The following IQCH variants were observed in gnomAD, a reference collection of about 807,000 sequenced individuals.
IQCH encodes the protein IQ domain-containing protein H.
In IQCH, 98 loss-of-function variants were observed where a neutral mutation model predicts 117.0. The ratio of observed to expected loss-of-function variants is 0.84; its 90% confidence interval spans 0.71 to 0.99. The LOEUF (loss-of-function observed/expected upper bound fraction) is 0.99, where lower values mean the gene tolerates loss of function less well. Ranked by LOEUF, IQCH falls within the 50% of genes least tolerant of loss-of-function variation. IQCH has a pLI of 0.00. For missense variants in IQCH, 1,102 were observed against 1,243.8 expected, an observed-to-expected ratio of 0.89 and a Z score of 1.72; for synonymous variants, 412 against 448.2, an observed-to-expected ratio of 0.92 and a Z score of 1.02.
At chr15:67,294,231 T>A (rs538270908) in intron 4 of IQCH, among the ~76,000 whole-genome samples, 1 of 152,318 alleles carries the variant, frequency 6.6e-6, no homozygotes, top group Admixed American at 6.5e-5. Flanking sequence ...TGACCTCTCA[T>A]TATTTCACTA....
At chr15:67,415,009 C>T (rs1235345671) in intron 14 of IQCH, among the ~76,000 whole-genome samples, 2 of 152,094 alleles carry the variant, frequency 1.3e-5, no homozygotes, top group East Asian at 3.9e-4. Context: ...AGCTTTGGGG[C>T]ACTTCATAAA....
rs775867996 is a variant in IQCH at position 67,465,659 on chromosome 15, A to G, written c.2676+362A>G. 2.6e-5 allele frequency among the ~76,000 whole-genome samples: 4 copies of G among 152,120 alleles called. No individual in the cohort carries two copies. The highest frequency in any genetic ancestry group is 4.8e-5 in the African/African-American group (2 of 41,412). On this transcript the variant is annotated intron_variant, in intron 17 of 20. Transcript: ENST00000335894. The surrounding 1 kb of genome is among the most constrained non-coding windows in gnomAD (Gnocchi z 5.9). ...TTCAGATTCATGGGTCCAAAATTCT[A>G]TAGAACATCTCTGCTTCGAATCCTC...
chr15:67,460,111 T>G (rs1045940923), intron 16 of IQCH: 34 of 152,218 alleles, frequency 2.2e-4, no homozygotes, highest in African/African-American at 7.7e-4. Flanking sequence ...ATTATTATCT[T>G]ATTATTAATA....
At chr15:67,317,930 A>G (rs1004366268) in intron 4 of IQCH, among the ~76,000 whole-genome samples, 1 of 152,112 alleles carries the variant, frequency 6.6e-6, no homozygotes, top group Non-Finnish European at 1.5e-5. Flanking sequence ...TTGTAGCACA[A>G]TCCTAGGACT....
intron 3 of IQCH, 116 bp from the exon 4 acceptor site, chr15:67,279,279 A>G: frequency 1.6e-6 from 1 of 625,904 alleles, no homozygotes; most frequent in Non-Finnish European, 2.8e-6. Flanking sequence ...TGTAATTACC[A>G]ATAGAATATT....
rs773553744 is a variant in IQCH at position 67,430,070 on chromosome 15, T to G, written c.2505+8493T>G. 2.0e-5 allele frequency among the ~76,000 whole-genome samples: 3 copies of G among 152,122 alleles called. No individual in the cohort carries two copies. Among genetic ancestry groups the G allele is most frequent in the Non-Finnish European group, 4.4e-5 (3 of 68,008 alleles). On this transcript the variant is annotated intron_variant, in intron 16 of 20. Coordinates refer to ENST00000335894, the MANE Select transcript of IQCH (RefSeq NM_001031715.3). This position sits in a 1 kb window ranked among gnomAD's most constrained non-coding sequence, Gnocchi z 5.1. Reference sequence around the variant, plus strand: ...AGTGGATTTAGGTCCAGGATTTTGGTACCCTAGAAATGGGGAAATTCTAGG... The same window carrying G: ...AGTGGATTTAGGTCCAGGATTTTGGGACCCTAGAAATGGGGAAATTCTAGG...
intron 16 of IQCH, among the ~76,000 whole-genome samples, chr15:67,450,068 T>C (rs1394903369): frequency 1.3e-5 from 2 of 152,254 alleles, no homozygotes; most frequent in Non-Finnish European, 2.9e-5. Context: ...TTTTTGCACA[T>C]TGATTTTGTA....
At chr15:67,262,441 AATGTGGT>A (rs1308767537) in intron 2 of IQCH, among the ~76,000 whole-genome samples, 3 of 152,202 alleles carry the variant, frequency 2.0e-5, no homozygotes, top group Non-Finnish European at 4.4e-5. Context: ...GGCTGTGAGA[AATGTGGT>A]ATATTTTGTA....
At chr15:67,375,214 A>G (rs1261359988) in intron 10 of IQCH, among the ~76,000 whole-genome samples, 1 of 152,234 alleles carries the variant, frequency 6.6e-6, no homozygotes, top group Non-Finnish European at 1.5e-5. Context: ...GGATTGCTTG[A>G]GGCCAGGAGT....
chr15:67,497,023 T>C (rs2083834074), intron 20 of IQCH, among the ~76,000 whole-genome samples: 1 of 67,326 alleles, frequency 1.5e-5, no homozygotes, highest in Non-Finnish European at 2.6e-5. Context: ...AGACTCCGTC[T>C]CAAAAAAAAA....
At chr15:67,282,116 A>C in intron 4 of IQCH, 1 of 156,292 alleles carries the variant, frequency 6.4e-6, no homozygotes, top group African/African-American at 2.4e-5. Context: ...ATAATGATAA[A>C]AGCTCTGATA....
At chr15:67,442,526 A>C (rs1596384733) in intron 16 of IQCH, among the ~76,000 whole-genome samples, 1 of 152,146 alleles carries the variant, frequency 6.6e-6, no homozygotes, top group Non-Finnish European at 1.5e-5. Flanking sequence ...AAATCAAAAA[A>C]CAGTGGATGT....
chr15:67,303,624 A>C (rs1351971171), intron 4 of IQCH, among the ~76,000 whole-genome samples: 1 of 152,118 alleles, frequency 6.6e-6, no homozygotes, highest in Non-Finnish European at 1.5e-5. Context: ...GAAGTGACTT[A>C]CCCAAGGTCA....
Position 67,496,276 on chromosome 15 carries a change from G to T in IQCH, c.2970+1910G>T, listed in dbSNP as rs1033243716. On this transcript the variant is annotated intron_variant, in intron 20 of 20. Coordinates refer to ENST00000335894, the MANE Select transcript of IQCH (RefSeq NM_001031715.3). The surrounding 1 kb of genome is among the most constrained non-coding windows in gnomAD (Gnocchi z 4.4). The stretch of plus-strand genomic sequence containing the variant: ...AGGCTGCAGTGAGTCTGGGTGATGG[G>T]AGTAAGAATAAAAAAAAGGAAGATA... Among the ~76,000 whole-genome samples, 1 of 151,984 alleles carries T rather than the reference G, an allele frequency of 6.6e-6. No homozygotes were observed. Among genetic ancestry groups the T allele is most frequent in the African/African-American group, 2.4e-5 (1 of 41,358 alleles).
Position 67,457,857 on chromosome 15 carries a change from T to C in IQCH, c.2506-7270T>C, listed in dbSNP as rs2414950. ...CTCCAATCCCATTACTCTCAAGCTGTTGTCACTTTTCCCCTACCAAGCTGC... is the reference window on the plus strand; with the variant it reads ...CTCCAATCCCATTACTCTCAAGCTGCTGTCACTTTTCCCCTACCAAGCTGC... On this transcript the variant is annotated intron_variant, in intron 16 of 20. Transcript: ENST00000335894. The surrounding 1 kb of genome is among the most constrained non-coding windows in gnomAD (Gnocchi z 5.7). Among the ~76,000 whole-genome samples the C allele has an allele frequency of 0.14, 21,105 of 152,154 alleles. 1,527 individuals are homozygous for C. Among genetic ancestry groups the C allele is most frequent in the East Asian group, 0.21 (1,070 of 5,172 alleles).
rs1480463951 is a variant in IQCH at position 67,447,611 on chromosome 15, A to T, written c.2506-17516A>T. Among the ~76,000 whole-genome samples, 1 of 152,144 alleles carries T rather than the reference A, an allele frequency of 6.6e-6. No homozygotes were observed. The highest frequency in any genetic ancestry group is 1.5e-5 in the Non-Finnish European group (1 of 68,030). Reference sequence around the variant, plus strand: ...TAGAGCTTGCAGGGAGCCCCACACCACAGAAGGAGGCTAGAGTGCTTGGAG... The same window carrying T: ...TAGAGCTTGCAGGGAGCCCCACACCTCAGAAGGAGGCTAGAGTGCTTGGAG... On this transcript the variant is annotated intron_variant, in intron 16 of 20. Coordinates refer to ENST00000335894, the MANE Select transcript of IQCH (RefSeq NM_001031715.3). This position sits in a 1 kb window ranked among gnomAD's most constrained non-coding sequence, Gnocchi z 5.3.
chr15:67,266,532 C>A (rs1965680036), intron 3 of IQCH, among the ~76,000 whole-genome samples: 1 of 152,156 alleles, frequency 6.6e-6, no homozygotes, highest in Admixed American at 6.5e-5. Flanking sequence ...TGGCAGGCGC[C>A]TGTAGTCCCA....
intron 16 of IQCH, among the ~76,000 whole-genome samples, chr15:67,435,862 C>A (rs1308608068): frequency 6.6e-6 from 1 of 151,392 alleles, no homozygotes; most frequent in Non-Finnish European, 1.5e-5. Flanking sequence ...CAGAGCAAGA[C>A]CCTGTCTAAA....
At chr15:67,373,552 G>C (rs1036220868) in intron 10 of IQCH, 119 bp downstream of exon 10, 13 of 749,584 alleles carry the variant, frequency 1.7e-5, no homozygotes, top group African/African-American at 3.4e-5. Flanking sequence ...GCAGGAAAAT[G>C]TTCTCGACAT....
Sources: gnomAD v4.1 joint callset for allele counts (sites outside exome capture counted in the v4.1 genomes callset) on GRCh38, gnomAD v4.1.1 for gene constraint, Gnocchi (gnomAD v3.1) non-coding constraint, MANE v1.5 for transcripts, NCBI Gene and HGNC (gene_info 2026-07-23, HGNC 2026-07-21) for gene names.